RIMOC1: variants seen among roughly 807,000 people sequenced by gnomAD.
RIMOC1 encodes RAB7A interacting MON1-CCZ1 complex subunit 1, also known as RAB7A-interacting MON1-CCZ1 complex subunit 1.
At chr5:41,913,780 T>C in the RIMOC1 span, among the ~76,000 whole-genome samples, 4 of 152,214 alleles carry the variant, frequency 2.6e-5, no homozygotes, top group Non-Finnish European at 5.9e-5. Context: ...CCAAAAATTA[T>C]TACTTTCTGC....
chr5:41,910,230 C>T, the RIMOC1 span, among the ~76,000 whole-genome samples: 4 of 152,088 alleles, frequency 2.6e-5, no homozygotes, highest in Admixed American at 2.6e-4. Flanking sequence ...TTCTTACAGT[C>T]CTTATTCTCT....
the RIMOC1 span, among the ~76,000 whole-genome samples, chr5:41,906,456 G>A: frequency 1.3e-5 from 2 of 152,136 alleles, no homozygotes; most frequent in African/African-American, 4.8e-5. Context: ...ATGGTTTAGT[G>A]AGTTCAATGC....
At chr5:41,911,462 T>G in the RIMOC1 span, 2 of 181,832 alleles carry the variant, frequency 1.1e-5, no homozygotes, top group Non-Finnish European at 2.2e-5. Flanking sequence ...AAAAAATTTT[T>G]GTCCTGAAAG....
the RIMOC1 span, chr5:41,904,384 C>G: frequency 8.1e-6 from 13 of 1,613,802 alleles, no homozygotes; most frequent in Non-Finnish European, 1.1e-5. Context: ...GCCGCAGTCT[C>G]TAGTGTGGTG....
chr5:41,917,211 C>G, the RIMOC1 span: 1 of 1,613,632 alleles, frequency 6.2e-7, no homozygotes, highest in Non-Finnish European at 8.5e-7. Context: ...AAGTATGTAT[C>G]TGTGTGTGAA....
At chr5:41,910,170 T>G in the RIMOC1 span, among the ~76,000 whole-genome samples, 1 of 152,104 alleles carries the variant, frequency 6.6e-6, no homozygotes, top group African/African-American at 2.4e-5. Flanking sequence ...CCTTTACTTT[T>G]GCAGATGCTG....
chr5:41,909,605 G>A, the RIMOC1 span: 2 of 461,538 alleles, frequency 4.3e-6, 1 homozygote, highest in Non-Finnish European at 7.4e-6. Flanking sequence ...TAGACATTTT[G>A]CCTACTTCTC....
At chr5:41,919,713 A>C in the RIMOC1 span, 1 of 152,048 alleles carries the variant, frequency 6.6e-6, no homozygotes, top group Non-Finnish European at 1.5e-5. Flanking sequence ...TTTGTGACCA[A>C]GTGAATACCT....
chr5:41,915,584 T>C, the RIMOC1 span, among the ~76,000 whole-genome samples: 1 of 152,174 alleles, frequency 6.6e-6, no homozygotes, highest in African/African-American at 2.4e-5. Context: ...CTCATAATCA[T>C]GGCAGAAGGC....
chr5:41,920,470 G>A, the RIMOC1 span: 1 of 152,050 alleles, frequency 6.6e-6, no homozygotes. Context: ...AGACCCTGAG[G>A]ATATAGCTTT....
At chr5:41,911,345 A>G in the RIMOC1 span, 1 of 496,444 alleles carries the variant, frequency 2.0e-6, no homozygotes, top group Non-Finnish European at 3.3e-6. Flanking sequence ...TGTTGTGAAG[A>G]CTAAATCAGA....
chr5:41,912,816 C>G, the RIMOC1 span, among the ~76,000 whole-genome samples: 1 of 152,110 alleles, frequency 6.6e-6, no homozygotes. Context: ...CATATCAAGC[C>G]TCTGTCAGCA....
chr5:41,911,225 G>T, the RIMOC1 span: 1 of 1,558,444 alleles, frequency 6.4e-7, no homozygotes, highest in Non-Finnish European at 8.6e-7. Context: ...ACATTTAGAG[G>T]TTTCAAAAAG....
At chr5:41,918,064 T>G in the RIMOC1 span, 1 of 985,486 alleles carries the variant, frequency 1.0e-6, no homozygotes, top group Admixed American at 6.2e-5. Flanking sequence ...TTTTTGCCTT[T>G]AATAATAGGG....
chr5:41,904,448 C>A, the RIMOC1 span: 1 of 1,613,912 alleles, frequency 6.2e-7, no homozygotes. Context: ...AGCAACTTAG[C>A]GAAGCTGCCG....
At chr5:41,906,669 C>G in the RIMOC1 span, among the ~76,000 whole-genome samples, 12 of 152,170 alleles carry the variant, frequency 7.9e-5, no homozygotes, top group African/African-American at 2.9e-4. Flanking sequence ...GAAAGTGGAT[C>G]TTACAGCAGT....
the RIMOC1 span, among the ~76,000 whole-genome samples, chr5:41,910,613 T>C: frequency 6.6e-6 from 1 of 152,038 alleles, no homozygotes; most frequent in Non-Finnish European, 1.5e-5. Flanking sequence ...CATCTCCAAA[T>C]TTCAATGACA....
chr5:41,917,400 A>T, the RIMOC1 span: 1 of 1,441,276 alleles, frequency 6.9e-7, no homozygotes, highest in African/African-American at 1.4e-5. Context: ...ATATGAGAAC[A>T]TTACACTGCA....
At chr5:41,913,689 G>C in the RIMOC1 span, among the ~76,000 whole-genome samples, 1 of 152,046 alleles carries the variant, frequency 6.6e-6, no homozygotes. Context: ...AATTCTTCCT[G>C]TTTCTTTGTT....
Sources: gnomAD v4.1 joint callset for allele counts (sites outside exome capture counted in the v4.1 genomes callset) on GRCh38, gnomAD v4.1.1 for gene constraint, MANE v1.5 for transcripts, NCBI Gene and HGNC (gene_info 2026-07-23, HGNC 2026-07-21) for gene names.